CERS4: variants seen among roughly 807,000 people sequenced by gnomAD.
The protein encoded by CERS4 is ceramide synthase 4.
CERS4 carries 65 observed loss-of-function variants against 51.8 expected under a neutral mutation model. The ratio of observed to expected loss-of-function variants is 1.26; its 90% CI spans 1.03 to 1.54. The LOEUF is 1.54. Ranked by LOEUF, CERS4 falls within the 40% of genes most tolerant of loss-of-function variation. CERS4 has a pLI of 0.00. For synonymous variants in CERS4, 228 were observed against 208.4 expected (o/e 1.09, Z -0.81); for missense variants, 563 against 500.4 (o/e 1.13, Z -1.19).
At chr19:8,260,667 A>G (rs561420201) in intron 10 of CERS4, among the ~76,000 whole-genome samples, 3 of 151,584 alleles carry the variant, frequency 2.0e-5, no homozygotes, top group African/African-American at 7.2e-5. Flanking sequence ...ACCAGCAGGA[A>G]GGCTGGGTGC....
chr19:8,254,558 T>C lies in CERS4; in HGVS notation c.233T>C (p.Val78Ala). 2 of 1,613,600 alleles carry C rather than the reference T, an allele frequency of 1.2e-6. No homozygotes were observed. Among genetic ancestry groups the C allele is most frequent in the Non-Finnish European group, 1.7e-6 (2 of 1,179,900 alleles). ...LGVRDQTRRQ[V>A]KPNATLEKHF... ...GTGAGGGATCAGACCAGGAGGCAAGTGAAGCCCAACGCCACGCTGGAGAAA... is the reference window on the plus strand; with the variant it reads ...GTGAGGGATCAGACCAGGAGGCAAGCGAAGCCCAACGCCACGCTGGAGAAA... The change falls in exon 4 of 12, where the codon GTG (valine) becomes GCG (alanine). Residue 78 changes from valine to alanine, a missense_variant. Val to Ala is a moderately conservative substitution (Grantham distance 64). Coordinates refer to ENST00000251363, the MANE Select transcript of CERS4 (RefSeq NM_024552.3).
intron 2 of CERS4, among the ~76,000 whole-genome samples, chr19:8,234,717 C>G (rs1051386930): frequency 1.8e-5 from 2 of 111,616 alleles, no homozygotes; most frequent in Admixed American, 9.4e-5. Context: ...CTATGCCCAG[C>G]TAATTTTTGC....
chr19:8,238,048 A>C (rs7259480), intron 2 of CERS4, among the ~76,000 whole-genome samples: 12,803 of 150,968 alleles, frequency 0.085, 687 homozygotes, highest in East Asian at 0.17. Flanking sequence ...CCCCCCCCAC[A>C]ATCCCTGCTC....
chr19:8,218,059 G>A (rs543450156), intron 2 of CERS4, among the ~76,000 whole-genome samples: 1 of 152,002 alleles, frequency 6.6e-6, no homozygotes, highest in Non-Finnish European at 1.5e-5. Context: ...TTGCCTCCCG[G>A]GTTCAAGCGA....
intron 2 of CERS4, among the ~76,000 whole-genome samples, chr19:8,219,987 TA>T (rs3042172): frequency 5.4e-5 from 8 of 148,874 alleles, no homozygotes; most frequent in East Asian, 4.0e-4. Context: ...TGTTGTCTCT[TA>T]AAAAAAAAAA....
At chr19:8,235,154 A>G (rs367546640) in intron 2 of CERS4, among the ~76,000 whole-genome samples, 12 of 151,318 alleles carry the variant, frequency 7.9e-5, no homozygotes, top group Non-Finnish European at 1.3e-4. Flanking sequence ...GATTACAGGC[A>G]CACACCACCA....
At chr19:8,232,251 C>G (rs556581509) in intron 2 of CERS4, among the ~76,000 whole-genome samples, 4 of 152,036 alleles carry the variant, frequency 2.6e-5, no homozygotes, top group Admixed American at 1.3e-4. Flanking sequence ...ACTTGTTTTT[C>G]CTCTTTAGAG....
At chr19:8,222,864 A>G (rs1967622501) in intron 2 of CERS4, among the ~76,000 whole-genome samples, 1 of 152,166 alleles carries the variant, frequency 6.6e-6, no homozygotes, top group Non-Finnish European at 1.5e-5. Context: ...ACAGGTGGCC[A>G]TGAGGGTGGT....
chr19:8,219,997 A>T (rs1967461420), intron 2 of CERS4, among the ~76,000 whole-genome samples: 1 of 150,078 alleles, frequency 6.7e-6, no homozygotes, highest in African/African-American at 2.5e-5. Context: ...TAAAAAAAAA[A>T]AATTTGTTAA....
At chr19:8,232,987 C>CT (rs1318192659) in intron 2 of CERS4, among the ~76,000 whole-genome samples, 4 of 148,222 alleles carry the variant, frequency 2.7e-5, no homozygotes, top group African/African-American at 1.0e-4. Context: ...ATCCTCCCGC[C>CT]TTGACTTCCC....
intron 2 of CERS4, among the ~76,000 whole-genome samples, chr19:8,227,890 T>A (rs1209289289): frequency 6.6e-6 from 1 of 151,888 alleles, no homozygotes; most frequent in African/African-American, 2.4e-5. Flanking sequence ...TGAGACGGAG[T>A]CTCACTATGT....
chr19:8,254,663 G>T, intron 4 of CERS4, 47 bp downstream of exon 4: 1 of 1,516,154 alleles, frequency 6.6e-7, no homozygotes, highest in Non-Finnish European at 9.0e-7. Flanking sequence ...CCCTGGGGGT[G>T]GGGCGTGGGG....
intron 2 of CERS4, among the ~76,000 whole-genome samples, chr19:8,219,467 CA>C (rs1224761270): frequency 3.3e-5 from 5 of 152,184 alleles, no homozygotes; most frequent in African/African-American, 1.2e-4. Context: ...GAGTTCGAGA[CA>C]AGCCTGGGCA....
chr19:8,230,199 T>G (rs146561016), intron 2 of CERS4, among the ~76,000 whole-genome samples: 76 of 151,712 alleles, frequency 5.0e-4, no homozygotes, highest in Non-Finnish European at 8.7e-4. Context: ...TCTTTTTTTT[T>G]CTTTTTTTTG....
At chr19:8,257,428 G>A (rs921817377) in intron 9 of CERS4, among the ~76,000 whole-genome samples, 45 of 131,780 alleles carry the variant, frequency 3.4e-4, no homozygotes, top group African/African-American at 1.1e-3. Context: ...GTGCACACAC[G>A]CATGTATTCA....
chr19:8,228,085 C>T (rs537066642), intron 2 of CERS4, among the ~76,000 whole-genome samples: 26 of 152,234 alleles, frequency 1.7e-4, no homozygotes, highest in African/African-American at 6.3e-4. Context: ...TGGTCTCGAT[C>T]TCTTGACCTC....
chr19:8,251,735 T>C (rs1291487892), intron 3 of CERS4, among the ~76,000 whole-genome samples: 1 of 149,776 alleles, frequency 6.7e-6, no homozygotes, highest in Non-Finnish European at 1.5e-5. Flanking sequence ...ACCTGGGAGG[T>C]GGAGGTTGCA....
chr19:8,257,733 A>G, intron 9 of CERS4, 146 bp from the exon 10 acceptor site: 1 of 636,576 alleles, frequency 1.6e-6, no homozygotes, highest in Non-Finnish European at 2.8e-6. Context: ...CCCAGCCTAT[A>G]TTCACACTCT....
At position 8,255,864 on chromosome 19, in the gene CERS4, C is replaced by T. The variant is rs750153673; in HGVS notation, c.453C>T (p.Leu151=). ...LFYLSSFVGG[L]SVLYHESWLW... ...ACCTGTCCTCCTTCGTGGGCGGCCT[C>T]TCGGTCCTGTACCACGTGAGTATAC... Residue 151 remains leucine, a synonymous_variant, in exon 6 of 12, where the codon CTC becomes CTT. Transcript: ENST00000251363. 3 of 1,613,932 alleles carry T rather than the reference C, an allele frequency of 1.9e-6. No individual in the cohort carries two copies. Among genetic ancestry groups the T allele is most frequent in the Non-Finnish European group, 1.7e-6 (2 of 1,180,016 alleles).
Sources: gnomAD v4.1 joint callset for allele counts (sites outside exome capture counted in the v4.1 genomes callset) on GRCh38, gnomAD v4.1.1 for gene constraint, MANE v1.5 for transcripts, NCBI Gene and HGNC (gene_info 2026-07-23, HGNC 2026-07-21) for gene names.